Variants in MAST1 observed in about 807,000 individuals in gnomAD.
The protein encoded by MAST1 is microtubule associated serine/threonine kinase 1.
MAST1 carries 40 observed loss-of-function variants against 124.6 expected under a neutral mutation model. The observed-to-expected ratio is 0.32, with a 90% CI of 0.25 to 0.42. MAST1 has a LOEUF of 0.42. Among genes scored for constraint, MAST1 ranks in the 10% least tolerant of loss-of-function variants. MAST1 has a pLI of 1.00. For missense variants in MAST1, 1,558 were observed against 2,181.9 expected (o/e 0.71, Z 5.70); for synonymous variants, 938 against 939.4 (o/e 1.00, Z 0.03).
At position 12,867,884 on chromosome 19, in the gene MAST1, C is replaced by T. The variant is rs778656514; in HGVS notation, c.2473C>T (p.Pro825Ser). ...DEARLRRPPR[P>S]SSDPAGSLDA... is the part of the protein sequence containing the mutation. ...GGCCCGGCTGCGCAGGCCTCCCCGG[C>T]CCAGCTCCGACCCCGCGGGATCCCT... Residue 825 changes from proline (P) to serine (S), a missense_variant, in exon 20 of 26, where the codon CCC becomes TCC. Physicochemically the swap from Pro to Ser is moderately conservative, Grantham distance 74 (BLOSUM62 -1). Coordinates refer to ENST00000251472, the MANE Select transcript of MAST1 (RefSeq NM_014975.3). The T allele has an allele frequency of 6.2e-7, 1 of 1,606,116 alleles. No individual in the cohort carries two copies. Among genetic ancestry groups the T allele is most frequent in the South Asian group, 1.1e-5 (1 of 90,618 alleles).
rs145348670 is a variant in MAST1 at position 12,841,383 on chromosome 19, G to C, written c.248+317G>C. 2.5e-3 allele frequency among the ~76,000 whole-genome samples: 385 copies of C among 152,384 alleles called. 2 individuals carry two copies. The highest frequency in any genetic ancestry group is 8.8e-3 in the African/African-American group (367 of 41,600). On this transcript the variant is annotated intron_variant, in intron 3 of 25. Coordinates refer to ENST00000251472, the MANE Select transcript of MAST1 (RefSeq NM_014975.3). This position sits in a 1 kb window ranked among gnomAD's most constrained non-coding sequence, Gnocchi z 4.3. The stretch of plus-strand genomic sequence containing the variant: ...TGGCCAGGTGTTTCCATAGCAACAG[G>C]ACGGGGCAGCCAAGATGACGTGCGC...
Position 12,873,997 on chromosome 19 carries a change from C to T in MAST1, c.3840C>T (p.Gly1280=), listed in dbSNP as rs1460736295. Residue 1280 remains glycine (G), a synonymous_variant, in exon 26 of 26, where the codon GGC becomes GGT. Transcript: ENST00000251472. ...CCTCTTTGAGTGCGGACAAGAAGGG[C>T]GCGCTGCGCAAACACAGCCTCGAGG... ...LGASLSADKK[G]ALRKHSLEVG... The T allele has an allele frequency of 6.2e-7, 1 of 1,604,278 alleles. No individual in the cohort carries two copies. The highest frequency in any genetic ancestry group is 1.3e-5 in the African/African-American group (1 of 75,034).
Position 12,838,535 on chromosome 19 carries a change from T to C in MAST1, c.-38T>C, listed in dbSNP as rs749755366. On this transcript the variant is annotated 5_prime_UTR_variant, in exon 1 of 26. Transcript: ENST00000251472. This position sits in a 1 kb window ranked among gnomAD's most constrained non-coding sequence, Gnocchi z 4.3. ...CCGCCGCCGCCGCCGCCTCCGCCGC[T>C]GCTGCCGCACCTGCCACCATGTCGC... 2.1e-6 allele frequency: 3 copies of C among 1,449,862 alleles called. No homozygotes were observed. The highest frequency in any genetic ancestry group is 5.5e-5 in the East Asian group (2 of 36,184). The allele number at this position is 1,449,862 out of a possible 1,614,324, so 89.8% of individuals were successfully genotyped here.
At chr19:12,868,103 A>ATTTTTTCTTTTTTTTTTTTTTT (rs1970181848) in intron 20 of MAST1, 126 bp downstream of exon 20, 1 of 291,088 alleles carries the variant, frequency 3.4e-6, no homozygotes, top group African/African-American at 4.4e-5. Flanking sequence ...GCAATTTGGG[A>ATTTTTTCTTTTTTTTTTTTTTT]TTTTTTTTTT....
chr19:12,857,914 G>T (rs899938348), intron 10 of MAST1, among the ~76,000 whole-genome samples: 1 of 149,128 alleles, frequency 6.7e-6, no homozygotes, highest in African/African-American at 2.5e-5. Context: ...TACCTGGGAG[G>T]CTGAGGCAGG....
chr19:12,874,713 C>T lies in MAST1; in HGVS notation c.4556C>T (p.Ala1519Val), dbSNP rs1192619681. ...TCCCTAGCCCCAGCGAAGTGCAGTGCACCCAGCAGTGCAGTGACCCCAGTC... is the reference window on the plus strand; with the variant it reads ...TCCCTAGCCCCAGCGAAGTGCAGTGTACCCAGCAGTGCAGTGACCCCAGTC... The part of the protein sequence containing the change: ...TPSLAPAKCS[A>V]PSSAVTPVPP... The change falls in exon 26 of 26, where the codon GCA becomes GTA. Residue 1519 changes from alanine to valine, a missense_variant. Ala to Val is a moderately conservative substitution (Grantham distance 64, BLOSUM62 0). This residue lies in a region of MAST1 where 168 missense variants were observed against 154.3 expected (regional missense o/e 1.09). Coordinates refer to ENST00000251472, the MANE Select transcript of MAST1 (RefSeq NM_014975.3). This position sits in a 1 kb window ranked among gnomAD's most constrained non-coding sequence, Gnocchi z 6.6. The T allele has an allele frequency of 3.1e-6, 5 of 1,590,560 alleles. No homozygotes were observed. Among genetic ancestry groups the T allele is most frequent in the African/African-American group, 1.3e-5 (1 of 74,448 alleles).
intron 10 of MAST1, among the ~76,000 whole-genome samples, chr19:12,858,006 CAAAAAAAAAAAAAAAAA>C (rs539497049): frequency 1.8e-4 from 9 of 49,420 alleles, no homozygotes; most frequent in Non-Finnish European, 3.4e-4. Context: ...GAACCTATCT[CAAAAAAAAAAAAAAAAA>C]AAAAAAAAAA....
Position 12,868,796 on chromosome 19 carries a change from G to T in MAST1, c.2720G>T (p.Gly907Val). The T allele has an allele frequency of 6.2e-7, 1 of 1,606,426 alleles. No homozygotes were observed. Among genetic ancestry groups the T allele is most frequent in the Non-Finnish European group, 8.5e-7 (1 of 1,175,484 alleles). ...GAGAAGAGGCCTTCTCGAACTGGGG[G>T]CAAAGTCATCAAATCAGCCTCAGCC... ...AVEKRPSRTGGKVIKSASATA... is the reference protein window; with the variant it reads ...AVEKRPSRTGVKVIKSASATA... Residue 907 changes from glycine to valine, a missense_variant, in exon 21 of 26, where the codon GGC becomes GTC. By Grantham distance (109) the Gly-to-Val change is moderately radical. This residue lies in a region of MAST1 where 287 missense variants were observed against 308.0 expected (regional missense o/e 0.93). Coordinates refer to ENST00000251472, the MANE Select transcript of MAST1 (RefSeq NM_014975.3).
rs1970224603 is a variant in MAST1, at chr19:12,870,826, T to A, written c.3006T>A (p.His1002Gln). ...DVYSVHHIVW[H>Q]VEEGGPAQEA... Reference sequence around the variant, plus strand: ...CCTATGGGGTGCTCTTTTCCCAGCATGTGGAGGAAGGAGGCCCAGCCCAGG... The same window carrying A: ...CCTATGGGGTGCTCTTTTCCCAGCAAGTGGAGGAAGGAGGCCCAGCCCAGG... The change falls in exon 23 of 26, where the codon CAT (histidine) becomes CAA (glutamine). Residue 1002 changes from histidine to glutamine, a missense_variant and splice_region_variant. This residue lies in a region of MAST1 where 291 missense variants were observed against 475.8 expected (regional missense o/e 0.61). Coordinates refer to ENST00000251472, the MANE Select transcript of MAST1 (RefSeq NM_014975.3). 2.5e-6 allele frequency: 4 copies of A among 1,603,818 alleles called. No individual in the cohort carries two copies. The East Asian group carries it at 8.9e-5, about 36-fold the overall frequency.
Position 12,847,759 on chromosome 19 carries a change from C to T in MAST1, c.564+72C>T. 6.3e-7 allele frequency: 1 copy of T among 1,585,282 alleles called. No homozygotes were observed. ...CTCTCGCTCGCCTTATCCCCGCGCG[C>T]CCCCTGGCGGCCTCGGTGCGCAGCG... On this transcript the variant is annotated intron_variant, in intron 6 of 25. Transcript: ENST00000251472. This position sits in a 1 kb window ranked among gnomAD's most constrained non-coding sequence, Gnocchi z 5.5.
chr19:12,874,043 A>T lies in MAST1; in HGVS notation c.3886A>T (p.Lys1296Ter). ...CGAGGTGGGCCACCCGGATTTCCGCAAGGACTTCCATGGCGAGCTGGCGCT... is the reference window on the plus strand; with the variant it reads ...CGAGGTGGGCCACCCGGATTTCCGCTAGGACTTCCATGGCGAGCTGGCGCT... ...SLEVGHPDFR[K>*]DFHGELALHS... Residue 1296 changes from lysine (K) to a stop codon, truncating the protein, a stop_gained, in exon 26 of 26, where the codon AAG becomes TAG. Coordinates refer to ENST00000251472, the MANE Select transcript of MAST1 (RefSeq NM_014975.3). LOFTEE classifies it low-confidence loss of function (END_TRUNC). This position sits in a 1 kb window ranked among gnomAD's most constrained non-coding sequence, Gnocchi z 6.6. 1 of 1,604,796 alleles carries T rather than the reference A, an allele frequency of 6.2e-7. No individual in the cohort carries two copies. The highest frequency in any genetic ancestry group is 8.5e-7 in the Non-Finnish European group (1 of 1,178,138).
At chr19:12,868,103 A>ATTTTTTTGGTTTTTTTTTTTTTTTTT (rs1970181927) in intron 20 of MAST1, 126 bp downstream of exon 20, 1 of 291,088 alleles carries the variant, frequency 3.4e-6, no homozygotes, top group African/African-American at 4.4e-5. Context: ...GCAATTTGGG[A>ATTTTTTTGGTTTTTTTTTTTTTTTTT]TTTTTTTTTT....
At position 12,866,392 on chromosome 19, in the gene MAST1, G is replaced by A. The variant is rs774933577; in HGVS notation, c.2030-261G>A. Among the ~76,000 whole-genome samples, 23 of 152,160 alleles carry A rather than the reference G, an allele frequency of 1.5e-4. No individual in the cohort carries two copies. The highest frequency in any genetic ancestry group is 2.9e-4 in the Non-Finnish European group (20 of 68,018). On this transcript the variant is annotated intron_variant, in intron 17 of 25. Coordinates refer to ENST00000251472, the MANE Select transcript of MAST1 (RefSeq NM_014975.3). This position sits in a 1 kb window ranked among gnomAD's most constrained non-coding sequence, Gnocchi z 5.2. ...AACTAGAGAGAGGTACTAGCGCTCA[G>A]AATGGCCTGGGGTGATGCCAGGGTG...
chr19:12,845,490 G>A (rs1969882154), intron 4 of MAST1, among the ~76,000 whole-genome samples: 1 of 150,900 alleles, frequency 6.6e-6, no homozygotes, highest in South Asian at 2.1e-4. Flanking sequence ...AGGCTGAGAT[G>A]GAAAGATTGC....
In MAST1 at chr19:12,873,646, G is replaced by A. The variant is rs118051287; in HGVS notation, c.3489G>A (p.Thr1163=). ...AGAGCAGCTCCCCAGCCTCGAGCAC[G>A]CCCAACTCGCCTGCGTCGTCGGCGT... ...SSQSSSPASS[T]PNSPASSASH... Residue 1163 remains threonine (T), a synonymous_variant, in exon 26 of 26, where the codon ACG becomes ACA. Coordinates refer to ENST00000251472, the MANE Select transcript of MAST1 (RefSeq NM_014975.3). The A allele has an allele frequency of 1.3e-4, 206 of 1,595,218 alleles. 1 individual carries two copies. In the East Asian group the frequency reaches 4.5e-3, roughly 35 times the overall value.
chr19:12,838,523 C>CGCCTCCGCCGCTGCT lies in MAST1; in HGVS notation c.-46_-32dup. 1 of 1,380,974 alleles carries CGCCTCCGCCGCTGCT rather than the reference C, an allele frequency of 7.2e-7. No individual in the cohort carries two copies. The highest frequency in any genetic ancestry group is 9.6e-7 in the Non-Finnish European group (1 of 1,045,842). 85.5% of individuals were successfully genotyped at this position (1,380,974 alleles called of 1,614,324 possible). A position where few individuals can be genotyped will look rare whatever the true frequency, so the allele number is the denominator to read the frequency against. ...TTGCTCCCCGCGCCGCCGCCGCCGC[C>CGCCTCCGCCGCTGCT]GCCTCCGCCGCTGCTGCCGCACCTG... On this transcript the variant is annotated 5_prime_UTR_variant, in exon 1 of 26. Coordinates refer to ENST00000251472, the MANE Select transcript of MAST1 (RefSeq NM_014975.3). This position sits in a 1 kb window ranked among gnomAD's most constrained non-coding sequence, Gnocchi z 4.3.
Position 12,873,447 on chromosome 19 carries a change from G to C in MAST1, c.3387G>C (p.Thr1129=). ...GCGATAGTCTCCCGGGCTCGCCTAC[G>C]CACGGGCTGCCGGCGCGCTCGCCCA... The part of the protein sequence containing the change: ...SSSDSLPGSP[T]HGLPARSPTH... Residue 1129 remains threonine, a synonymous_variant, in exon 25 of 26, where the codon ACG becomes ACC. Transcript: ENST00000251472. The C allele has an allele frequency of 6.2e-7, 1 of 1,612,006 alleles. No individual in the cohort carries two copies. Among genetic ancestry groups the C allele is most frequent in the Non-Finnish European group, 8.5e-7 (1 of 1,179,858 alleles).
At chr19:12,845,781 C>T (rs567299789) in intron 4 of MAST1, among the ~76,000 whole-genome samples, 7 of 151,880 alleles carry the variant, frequency 4.6e-5, no homozygotes, top group South Asian at 2.1e-4. Context: ...CTCAGCCTCC[C>T]GAGTAGCTGG....
Position 12,864,911 on chromosome 19 carries a change from A to G in MAST1, c.1469A>G (p.Asn490Ser). ...ETVLALEYLH[N>S]YGIVHRDLKP... ...GTGCTAGCCCTGGAGTATTTGCACA[A>G]CTATGGCATCGTGCACCGCGACCTC... The change falls in exon 13 of 26, where the codon AAC becomes AGC. Residue 490 changes from asparagine (N) to serine (S), a missense_variant. Asn to Ser is a conservative substitution (Grantham distance 46). Coordinates refer to ENST00000251472, the MANE Select transcript of MAST1 (RefSeq NM_014975.3). The G allele has an allele frequency of 6.2e-7, 1 of 1,614,198 alleles. No homozygotes were observed. Among genetic ancestry groups the G allele is most frequent in the Non-Finnish European group, 8.5e-7 (1 of 1,180,032 alleles).
Sources: allele counts gnomAD v4.1 joint callset (sites outside exome capture counted in the v4.1 genomes callset), GRCh38; gene constraint gnomAD v4.1.1; regional missense constraint gnomAD v4.1.1; non-coding constraint Gnocchi (gnomAD v3.1); transcripts MANE v1.5; gene names NCBI Gene and HGNC (gene_info 2026-07-23, HGNC 2026-07-21).